SGCZ: variants seen among roughly 807,000 people sequenced by gnomAD.
SGCZ encodes the protein zeta-sarcoglycan.
A neutral mutation model predicts 41.3 loss-of-function variants in SGCZ; 40 were observed. That is an observed-to-expected ratio of 0.97 (90% CI 0.75 to 1.26). SGCZ has a LOEUF of 1.26. Among genes scored for constraint, SGCZ ranks in the 50% most tolerant of loss-of-function variants. The pLI is 0.00. For synonymous variants in SGCZ, 206 were observed against 137.5 expected (o/e 1.50, Z -3.49); for missense variants, 552 against 369.8 (o/e 1.49, Z -4.04).
chr8:15,010,837 G>A (rs754067860), intron 1 of SGCZ, among the ~76,000 whole-genome samples: 5 of 152,074 alleles, frequency 3.3e-5, no homozygotes, highest in African/African-American at 4.8e-5. Flanking sequence ...GGGACACTTG[G>A]GCTAAGAAAC....
intron 5 of SGCZ, among the ~76,000 whole-genome samples, chr8:14,112,285 G>GA (rs1028065119): frequency 5.7e-5 from 6 of 105,632 alleles, no homozygotes; most frequent in Admixed American, 1.8e-4. Flanking sequence ...TTTTTTTGTG[G>GA]GGGGGGGGTG....
intron 3 of SGCZ, among the ~76,000 whole-genome samples, chr8:14,293,015 T>G (rs571382457): frequency 1.3e-5 from 2 of 152,108 alleles, no homozygotes; most frequent in Non-Finnish European, 2.9e-5. Context: ...CAGAATGGTT[T>G]CATTCACATC....
chr8:14,730,299 A>G (rs1810194728), intron 1 of SGCZ, among the ~76,000 whole-genome samples: 1 of 152,202 alleles, frequency 6.6e-6, no homozygotes, highest in Non-Finnish European at 1.5e-5. Context: ...ATAGAGAAAA[A>G]TAAACAGAAC....
chr8:14,529,864 G>A (rs376098772), intron 2 of SGCZ, among the ~76,000 whole-genome samples: 22 of 152,014 alleles, frequency 1.4e-4, no homozygotes, highest in African/African-American at 5.3e-4. Context: ...ATATTAGTGT[G>A]CATTTGTTGA....
chr8:15,016,449 C>G (rs1328751312), intron 1 of SGCZ, among the ~76,000 whole-genome samples: 6 of 152,190 alleles, frequency 3.9e-5, no homozygotes, highest in African/African-American at 1.4e-4. Context: ...GTAGCATAAT[C>G]TCTTGGCAGG....
At chr8:14,775,620 C>T (rs951857628) in intron 1 of SGCZ, among the ~76,000 whole-genome samples, 11 of 151,872 alleles carry the variant, frequency 7.2e-5, no homozygotes, top group Non-Finnish European at 5.9e-5. Context: ...TAACACAGTA[C>T]ATATGAGGTA....
At chr8:14,228,347 A>G (rs946920646) in intron 4 of SGCZ, among the ~76,000 whole-genome samples, 1 of 152,098 alleles carries the variant, frequency 6.6e-6, no homozygotes, top group African/African-American at 2.4e-5. Context: ...GTCTAATAAA[A>G]TATCTAAAAG....
At chr8:14,267,847 T>C (rs1159648089) in intron 3 of SGCZ, among the ~76,000 whole-genome samples, 1 of 152,046 alleles carries the variant, frequency 6.6e-6, no homozygotes, top group Non-Finnish European at 1.5e-5. Flanking sequence ...CTCATATTCT[T>C]TGCTCAAGGT....
At chr8:14,601,832 G>A (rs1447786760) in intron 1 of SGCZ, among the ~76,000 whole-genome samples, 2 of 152,114 alleles carry the variant, frequency 1.3e-5, no homozygotes, top group African/African-American at 2.4e-5. Context: ...AAAACCTTAT[G>A]ATGTGGTGCC....
intron 1 of SGCZ, among the ~76,000 whole-genome samples, chr8:14,907,278 T>C (rs1187611842): frequency 6.6e-6 from 1 of 152,240 alleles, no homozygotes; most frequent in Admixed American, 6.5e-5. Context: ...CACCGCAGCC[T>C]TGTACTTATG....
chr8:15,126,266 C>G (rs1402002672), intron 1 of SGCZ, among the ~76,000 whole-genome samples: 1 of 152,100 alleles, frequency 6.6e-6, no homozygotes, highest in East Asian at 1.9e-4. Context: ...TTAATAACTA[C>G]AAGTAGAAAA....
At chr8:14,990,694 A>G (rs1012840160) in intron 1 of SGCZ, among the ~76,000 whole-genome samples, 5 of 152,104 alleles carry the variant, frequency 3.3e-5, no homozygotes, top group Admixed American at 6.6e-5. Context: ...ACTATAATGT[A>G]ATAATAATAG....
intron 1 of SGCZ, among the ~76,000 whole-genome samples, chr8:14,594,242 C>T (rs1489847855): frequency 1.3e-5 from 2 of 150,778 alleles, no homozygotes; most frequent in Non-Finnish European, 3.0e-5. Flanking sequence ...AAACAAAATA[C>T]AAATGGCTGA....
chr8:14,103,047 T>C (rs1802083489), intron 6 of SGCZ, among the ~76,000 whole-genome samples: 1 of 152,126 alleles, frequency 6.6e-6, no homozygotes, highest in Non-Finnish European at 1.5e-5. Context: ...CTGATTAAAA[T>C]AATGAAATAA....
intron 1 of SGCZ, among the ~76,000 whole-genome samples, chr8:14,877,523 C>T (rs1162482682): frequency 1.3e-5 from 2 of 151,982 alleles, no homozygotes; most frequent in Non-Finnish European, 2.9e-5. Context: ...CCATCATATG[C>T]TACATGTTTT....
At chr8:14,941,048 CAG>C (rs1320172416) in intron 1 of SGCZ, among the ~76,000 whole-genome samples, 1 of 151,916 alleles carries the variant, frequency 6.6e-6, no homozygotes, top group Non-Finnish European at 1.5e-5. Context: ...ACTAAATAGA[CAG>C]GCAACAAATA....
At position 15,051,705 on chromosome 8, in the gene SGCZ, G is replaced by A. The variant is rs1317483044; in HGVS notation, c.39+185880C>T. Among the ~76,000 whole-genome samples, 3 of 152,096 alleles carry A rather than the reference G, an allele frequency of 2.0e-5. No homozygotes were observed. In the East Asian group the frequency reaches 5.8e-4, roughly 29 times the overall value. On this transcript the variant is annotated intron_variant, in intron 1 of 7. Transcript: ENST00000382080. ...AAAATTTAGCTATCACCCTGACTGTGAGTGATATCTCATTGTGGTTTTAAC... is the reference window on the plus strand; with the variant it reads ...AAAATTTAGCTATCACCCTGACTGTAAGTGATATCTCATTGTGGTTTTAAC...
intron 2 of SGCZ, among the ~76,000 whole-genome samples, chr8:14,530,573 A>T (rs1454619678): frequency 6.6e-6 from 1 of 152,114 alleles, no homozygotes; most frequent in Non-Finnish European, 1.5e-5. Flanking sequence ...GTACAATGAG[A>T]TTGGCACACA....
intron 1 of SGCZ, among the ~76,000 whole-genome samples, chr8:15,163,422 A>G (rs1466981388): frequency 6.6e-6 from 1 of 152,194 alleles, no homozygotes; most frequent in Non-Finnish European, 1.5e-5. Flanking sequence ...TTGCATTTAT[A>G]TACACTGAAA....
Sources: gnomAD v4.1 joint callset for allele counts (sites outside exome capture counted in the v4.1 genomes callset) on GRCh38, gnomAD v4.1.1 for gene constraint, MANE v1.5 for transcripts, NCBI Gene and HGNC (gene_info 2026-07-23, HGNC 2026-07-21) for gene names.